Variants in STRC observed in about 807,000 individuals in gnomAD.
STRC encodes the protein stereocilin.
A neutral mutation model predicts 103.5 loss-of-function variants in STRC; 43 were observed. The observed-to-expected ratio is 0.42, with a 90% confidence interval of 0.33 to 0.54. STRC has a LOEUF of 0.54. Among genes scored for constraint, STRC ranks in the 20% least tolerant of loss-of-function variants. The pLI is 0.14. For synonymous variants in STRC, 186 were observed against 442.3 expected (o/e 0.42, Z 7.27); for missense variants, 499 against 1,088.5 (o/e 0.46, Z 7.62).
intron 25 of STRC, 74 bp downstream of exon 25, chr15:43,600,798 C>T (rs189488577): frequency 2.5e-6 from 4 of 1,613,368 alleles, no homozygotes; most frequent in African/African-American, 2.7e-5. Flanking sequence ...GGGACCAGAC[C>T]TTCATGATCC....
chr15:43,603,846 A>G (rs2085691954), intron 22 of STRC, 150 bp downstream of exon 22: 1 of 1,444,626 alleles, frequency 6.9e-7, no homozygotes, highest in South Asian at 1.4e-5. Context: ...ACAGAATTCT[A>G]GAACTACAAG....
At chr15:43,602,121 CAAAAAAA>C (rs35561492) in intron 23 of STRC, among the ~76,000 whole-genome samples, 1 of 38,272 alleles carries the variant, frequency 2.6e-5, no homozygotes, top group African/African-American at 8.8e-5. Flanking sequence ...GACTCTGTCT[CAAAAAAA>C]AAAAAAAAAA....
At chr15:43,602,726 G>A (rs2085680447) in intron 23 of STRC, 2 of 156,846 alleles carry the variant, frequency 1.3e-5, no homozygotes, top group Non-Finnish European at 2.6e-5. Context: ...CTCACTGCAA[G>A]CTCCCCCTCC....
intron 15 of STRC, chr15:43,609,890 G>A: frequency 1.3e-5 from 3 of 232,172 alleles, no homozygotes; most frequent in South Asian, 1.1e-4. Context: ...CAGGCATTGT[G>A]GGGAGTGCCT....
intron 22 of STRC, chr15:43,603,654 C>A: frequency 1.6e-6 from 1 of 634,274 alleles, no homozygotes; most frequent in East Asian, 2.9e-5. Context: ...TTAATGGTAG[C>A]ACTGAATTTG....
intron 23 of STRC, among the ~76,000 whole-genome samples, chr15:43,601,925 T>A (rs1243778849): frequency 6.6e-6 from 1 of 151,244 alleles, no homozygotes; most frequent in African/African-American, 2.4e-5. Context: ...TTCGAGACCA[T>A]CCTGGGCAAC....
Position 43,601,414 on chromosome 15 carries a change from A to G in STRC, c.4683T>C (p.Asp1561=), listed in dbSNP as rs572743537. ...GTGTTACCTGAGTGGTGCTCCAGCC[A>G]TCTATCTGCCCCAGGGTGCTCAGCA... ...WGVLSTLGQI[D]GWSTTQLRIV... Residue 1561 remains aspartate, a synonymous_variant, in exon 24 of 29, where the codon GAT becomes GAC. Coordinates refer to ENST00000450892, the MANE Select transcript of STRC (RefSeq NM_153700.2). The G allele has an allele frequency of 1.3e-5, 21 of 1,613,680 alleles. No individual in the cohort carries two copies. Among genetic ancestry groups the G allele is most frequent in the Middle Eastern group, 1.7e-4 (1 of 5,954 alleles).
intron 23 of STRC, among the ~76,000 whole-genome samples, chr15:43,602,115 C>CT (rs1345587174): frequency 4.8e-5 from 5 of 104,732 alleles, no homozygotes; most frequent in Non-Finnish European, 8.6e-5. Context: ...GAGTGAGACT[C>CT]TGTCTCAAAA....
At chr15:43,601,582 A>G in intron 23 of STRC, 31 bp from the exon 24 acceptor site, 1 of 1,611,904 alleles carries the variant, frequency 6.2e-7, no homozygotes, top group Non-Finnish European at 8.5e-7. Context: ...ATGTGAGTGG[A>G]AAAGCAGTGG....
intron 18 of STRC, among the ~76,000 whole-genome samples, 196 bp from the exon 19 acceptor site, chr15:43,605,595 A>G (rs557658253): frequency 7.1e-6 from 1 of 140,718 alleles, no homozygotes; most frequent in East Asian, 2.1e-4. Context: ...AGGGAGCAAC[A>G]TATTTCTAGT....
chr15:43,606,350 C>T (rs2085710318), intron 18 of STRC, among the ~76,000 whole-genome samples: 1 of 91,978 alleles, frequency 1.1e-5, no homozygotes, highest in Non-Finnish European at 2.2e-5. Flanking sequence ...GCCTGTAATC[C>T]CAGCACTTTG....
Position 43,609,352 on chromosome 15 carries a change from A to C in STRC, c.3499-18T>G. 6.2e-7 allele frequency: 1 copy of C among 1,603,718 alleles called. No homozygotes were observed. The highest frequency in any genetic ancestry group is 8.5e-7 in the Non-Finnish European group (1 of 1,175,524). Reference sequence around the variant, plus strand: ...AACTGTGCCTACAAGAGAAAGAAAGACGAGCCCCTTCCCAGAAGAGACACT... The same window carrying C: ...AACTGTGCCTACAAGAGAAAGAAAGCCGAGCCCCTTCCCAGAAGAGACACT... On this transcript the variant is annotated intron_variant, in intron 15 of 28. Coordinates refer to ENST00000450892, the MANE Select transcript of STRC (RefSeq NM_153700.2).
chr15:43,606,327 C>T (rs1370471247), intron 18 of STRC, among the ~76,000 whole-genome samples: 1 of 93,166 alleles, frequency 1.1e-5, no homozygotes, highest in Non-Finnish European at 2.2e-5. Context: ...ACAGGCCGGA[C>T]GCAGTGGCTC....
At chr15:43,601,143 G>A in intron 24 of STRC, 129 bp from the exon 25 acceptor site, 1 of 860,920 alleles carries the variant, frequency 1.2e-6, no homozygotes, top group Non-Finnish European at 1.8e-6. Context: ...GGAAGGCTGA[G>A]GACTCAGAAA....
chr15:43,601,572 A>G, intron 23 of STRC, 21 bp from the exon 24 acceptor site: 1 of 1,613,170 alleles, frequency 6.2e-7, no homozygotes, highest in Non-Finnish European at 8.5e-7. Context: ...GACAGGAACA[A>G]TGTGAGTGGA....
In STRC at chr15:43,603,428, G is replaced by A. The variant is rs368650627; in HGVS notation, c.4376-17C>T. On this transcript the variant is annotated splice_polypyrimidine_tract_variant and intron_variant, in intron 22 of 28. Coordinates refer to ENST00000450892, the MANE Select transcript of STRC (RefSeq NM_153700.2). ...GCACAGGTTCTGAAGGGGGAAGGCA[G>A]GGCCAGGAGGTCAGCGCAGTAATAA... 1 of 1,611,528 alleles carries A rather than the reference G, an allele frequency of 6.2e-7. No individual in the cohort carries two copies. The highest frequency in any genetic ancestry group is 1.7e-5 in the Admixed American group (1 of 59,986).
chr15:43,608,523 T>C (rs1303676665), intron 16 of STRC, among the ~76,000 whole-genome samples: 1 of 140,084 alleles, frequency 7.1e-6, no homozygotes, highest in Non-Finnish European at 1.6e-5. Context: ...GTCAGGAGTT[T>C]GAGACCAGCC....
intron 21 of STRC, 68 bp downstream of exon 21, chr15:43,604,293 G>C (rs535994338): frequency 1.9e-6 from 3 of 1,591,290 alleles, no homozygotes; most frequent in South Asian, 1.1e-5. Flanking sequence ...CTTTGGCCAC[G>C]GGTCCCCATA....
Position 43,604,977 on chromosome 15 carries a change from C to A in STRC, c.3931-131G>T, listed in dbSNP as rs1441459109. ...CTCAGCACCCTATGATGCTCACTAC[C>A]TTTGTTCACTTCCTTAAGCAATGAG... On this transcript the variant is annotated intron_variant, in intron 19 of 28. Coordinates refer to ENST00000450892, the MANE Select transcript of STRC (RefSeq NM_153700.2). 7.2e-6 allele frequency: 10 copies of A among 1,393,800 alleles called. No individual in the cohort carries two copies. The South Asian group carries it at 1.1e-4, about 16-fold the overall frequency. 86.3% of individuals were successfully genotyped at this position (1,393,800 alleles called of 1,614,324 possible).
Sources: gnomAD v4.1 joint callset for allele counts (sites outside exome capture counted in the v4.1 genomes callset) on GRCh38, gnomAD v4.1.1 for gene constraint, MANE v1.5 for transcripts, NCBI Gene and HGNC (gene_info 2026-07-23, HGNC 2026-07-21) for gene names.